SCFD2: variants seen among roughly 807,000 people sequenced by gnomAD.
The protein encoded by SCFD2 is sec1 family domain-containing protein 2.
In SCFD2, 54 loss-of-function variants were observed where a neutral mutation model predicts 58.9. The ratio of observed to expected loss-of-function variants is 0.92; its 90% CI spans 0.74 to 1.15. The LOEUF is 1.15. Ranked by LOEUF, SCFD2 falls within the 50% of genes most tolerant of loss-of-function variation. The probability of loss-of-function intolerance (pLI) is 0.00; values close to 1 mark genes in which losing one functional copy is unlikely to be tolerated. For missense variants in SCFD2, 805 were observed against 836.6 expected (o/e 0.96, Z 0.47); for synonymous variants, 321 against 335.9 (o/e 0.96, Z 0.49).
intron 5 of SCFD2, among the ~76,000 whole-genome samples, chr4:53,132,583 CAA>C (rs1307103086): frequency 6.6e-6 from 1 of 152,152 alleles, no homozygotes; most frequent in Non-Finnish European, 1.5e-5. Context: ...AAATTAGAAA[CAA>C]GAGATTAGTC....
intron 2 of SCFD2, among the ~76,000 whole-genome samples, chr4:53,329,906 T>C (rs1029448435): frequency 5.9e-5 from 9 of 151,910 alleles, no homozygotes; most frequent in African/African-American, 2.2e-4. Context: ...TTAAAGGAGC[T>C]GATGCAGCTG....
chr4:53,249,178 A>G (rs1196842252), intron 4 of SCFD2, among the ~76,000 whole-genome samples: 1 of 152,240 alleles, frequency 6.6e-6, no homozygotes, highest in Admixed American at 6.5e-5. Context: ...TCAGGAGCCG[A>G]TGAGATAAAC....
intron 4 of SCFD2, among the ~76,000 whole-genome samples, chr4:53,147,057 CTG>C (rs1726353328): frequency 6.6e-6 from 1 of 152,152 alleles, no homozygotes; most frequent in East Asian, 1.9e-4. Context: ...AGATGTGTGT[CTG>C]TGTGTATGAA....
chr4:53,339,596 C>G (rs1217631087), intron 2 of SCFD2, among the ~76,000 whole-genome samples: 2 of 152,034 alleles, frequency 1.3e-5, no homozygotes, highest in African/African-American at 4.8e-5. Flanking sequence ...ATGGTGAAAC[C>G]TGTCCCTACT....
intron 3 of SCFD2, among the ~76,000 whole-genome samples, chr4:53,304,800 T>C (rs1372024675): frequency 6.6e-6 from 1 of 152,096 alleles, no homozygotes; most frequent in East Asian, 1.9e-4. Flanking sequence ...AGTTTGTTAT[T>C]ACCCACCTTC....
chr4:53,261,238 T>A (rs913651239), intron 4 of SCFD2, among the ~76,000 whole-genome samples: 2 of 152,204 alleles, frequency 1.3e-5, no homozygotes, highest in Non-Finnish European at 2.9e-5. Context: ...CATTTAGTTC[T>A]GCTCTGATCT....
At chr4:52,917,399 C>T (rs1187621466) in intron 6 of SCFD2, among the ~76,000 whole-genome samples, 5 of 152,146 alleles carry the variant, frequency 3.3e-5, no homozygotes, top group Non-Finnish European at 1.5e-5. Context: ...AAAATCTGTT[C>T]TGTTATCCTC....
intron 2 of SCFD2, among the ~76,000 whole-genome samples, chr4:53,345,850 G>A (rs559425224): frequency 3.3e-5 from 5 of 150,202 alleles, no homozygotes; most frequent in African/African-American, 9.8e-5. Context: ...CACAAGGGCA[G>A]AAAACCAAAC....
chr4:52,971,392 G>A (rs1375446334), intron 5 of SCFD2, among the ~76,000 whole-genome samples: 2 of 152,272 alleles, frequency 1.3e-5, no homozygotes, highest in African/African-American at 2.4e-5. Context: ...TAGCTGATTC[G>A]ATCAACTGGA....
At chr4:53,190,503 G>A (rs1436960471) in intron 4 of SCFD2, among the ~76,000 whole-genome samples, 1 of 151,976 alleles carries the variant, frequency 6.6e-6, no homozygotes, top group African/African-American at 2.4e-5. Context: ...CCTTCTTAGT[G>A]AGGCCTTCTT....
chr4:52,939,131 T>C (rs1720221188), intron 5 of SCFD2, among the ~76,000 whole-genome samples: 1 of 152,156 alleles, frequency 6.6e-6, no homozygotes, highest in Non-Finnish European at 1.5e-5. Flanking sequence ...GATTGTGGGG[T>C]TGTTTGTTAT....
chr4:53,330,114 T>C (rs959300217), intron 2 of SCFD2, among the ~76,000 whole-genome samples: 36 of 152,186 alleles, frequency 2.4e-4, no homozygotes, highest in Admixed American at 5.9e-4. Flanking sequence ...CAAATCTACG[T>C]CTGATTGCTG....
At chr4:53,151,922 G>A (rs1428807738) in intron 4 of SCFD2, among the ~76,000 whole-genome samples, 3 of 152,084 alleles carry the variant, frequency 2.0e-5, no homozygotes, top group African/African-American at 7.2e-5. Flanking sequence ...GAGAAGTGGG[G>A]AGGTACCACA....
intron 6 of SCFD2, among the ~76,000 whole-genome samples, chr4:52,915,662 C>T (rs1719585350): frequency 6.6e-6 from 1 of 152,152 alleles, no homozygotes; most frequent in South Asian, 2.1e-4. Flanking sequence ...AGTATAGCCC[C>T]TTCAATTCAA....
At chr4:52,887,136 A>G (rs1481757303) in intron 7 of SCFD2, among the ~76,000 whole-genome samples, 1 of 152,222 alleles carries the variant, frequency 6.6e-6, no homozygotes, top group Non-Finnish European at 1.5e-5. Flanking sequence ...AATAAATGTT[A>G]GTGGAATTAA....
intron 4 of SCFD2, among the ~76,000 whole-genome samples, chr4:53,206,271 C>T (rs1391941040): frequency 6.6e-6 from 1 of 152,036 alleles, no homozygotes; most frequent in African/African-American, 2.4e-5. Context: ...GCTGTTGCCT[C>T]CTTGTCTCCC....
At chr4:53,276,837 G>C (rs147547030) in intron 3 of SCFD2, among the ~76,000 whole-genome samples, 10 of 152,288 alleles carry the variant, frequency 6.6e-5, no homozygotes, top group Non-Finnish European at 8.8e-5. Context: ...ACTTGGTTTT[G>C]TCAGCTATTT....
chr4:53,107,085 G>A (rs2148880953), intron 5 of SCFD2, among the ~76,000 whole-genome samples: 1 of 152,264 alleles, frequency 6.6e-6, no homozygotes, highest in South Asian at 2.1e-4. Context: ...CATTCTTAAA[G>A]AAAAGAATTT....
intron 2 of SCFD2, among the ~76,000 whole-genome samples, chr4:53,334,767 TAG>T (rs1168501359): frequency 6.6e-6 from 1 of 152,148 alleles, no homozygotes; most frequent in Non-Finnish European, 1.5e-5. Flanking sequence ...AAAAAATTAA[TAG>T]ATGCTAAAGC....
Sources: allele counts gnomAD v4.1 joint callset (sites outside exome capture counted in the v4.1 genomes callset), GRCh38; gene constraint gnomAD v4.1.1; transcripts MANE v1.5; gene names NCBI Gene and HGNC (gene_info 2026-07-23, HGNC 2026-07-21).